The following MECOM variants were observed in gnomAD, a reference collection of about 807,000 sequenced individuals.
MECOM encodes MDS1 and EVI1 complex locus.
In MECOM, 13 loss-of-function variants were observed where a neutral mutation model predicts 116.3. The ratio of observed to expected loss-of-function variants is 0.11; its 90% CI spans 0.07 to 0.18. The LOEUF is 0.18. MECOM is among the 10% of genes least tolerant of loss of function. The pLI, the probability that MECOM is intolerant of heterozygous loss-of-function variation, is 1.00. For missense variants in MECOM, 1,299 were observed against 1,509.0 expected (o/e 0.86, Z 2.31); for synonymous variants, 528 against 535.2 (o/e 0.99, Z 0.19).
In MECOM at chr3:169,663,411, G is replaced by A. The variant is rs780859857; in HGVS notation, c.-39C>T. ...CTGCAGCCGCTGGTGTGTGGTTGGG[G>A]CTTTTTTTTCTTGGATCCTTTCCTT... On this transcript the variant is annotated 5_prime_UTR_variant, in exon 1 of 17. Transcript: ENST00000651503. 1.3e-6 allele frequency: 2 copies of A among 1,594,500 alleles called. No individual in the cohort carries two copies. The highest frequency in any genetic ancestry group is 2.3e-5 in the East Asian group (1 of 44,064).
chr3:169,213,444 T>A (rs983315509), intron 2 of MECOM, among the ~76,000 whole-genome samples: 1 of 152,180 alleles, frequency 6.6e-6, no homozygotes, highest in African/African-American at 2.4e-5. Flanking sequence ...AAAAAATGTT[T>A]ATACCATGTG....
At chr3:169,610,131 C>G (rs1463581824) in intron 1 of MECOM, among the ~76,000 whole-genome samples, 2 of 152,142 alleles carry the variant, frequency 1.3e-5, no homozygotes, top group Non-Finnish European at 2.9e-5. Flanking sequence ...AACTACTCCA[C>G]TTATTTTTAT....
intron 2 of MECOM, among the ~76,000 whole-genome samples, chr3:169,298,295 A>G (rs1716021663): frequency 6.6e-6 from 1 of 152,126 alleles, no homozygotes; most frequent in East Asian, 1.9e-4. Context: ...AATGTTATCA[A>G]TATGAAGACA....
At chr3:169,113,431 T>A (rs979845783) in intron 8 of MECOM, among the ~76,000 whole-genome samples, 6 of 143,664 alleles carry the variant, frequency 4.2e-5, no homozygotes, top group Non-Finnish European at 7.5e-5. Context: ...ATAAATATTT[T>A]ATGTAAATTA....
chr3:169,485,924 G>GTCTATATGTA (rs1752147894), intron 1 of MECOM, among the ~76,000 whole-genome samples: 1 of 107,490 alleles, frequency 9.3e-6, no homozygotes, highest in Non-Finnish European at 1.8e-5. Context: ...TGTATATATA[G>GTCTATATGTA]TATATATAGT....
intron 1 of MECOM, among the ~76,000 whole-genome samples, chr3:169,603,311 T>A (rs1243731455): frequency 6.6e-6 from 1 of 152,162 alleles, no homozygotes; most frequent in South Asian, 2.1e-4. Context: ...GGTAAGGATA[T>A]AAAAAATATT....
chr3:169,643,833 G>A (rs1773798596), intron 1 of MECOM, among the ~76,000 whole-genome samples: 1 of 152,164 alleles, frequency 6.6e-6, no homozygotes, highest in Admixed American at 6.5e-5. Context: ...CAGTGAAAAT[G>A]AAATGAATAA....
At chr3:169,362,307 G>A (rs1728434798) in intron 2 of MECOM, among the ~76,000 whole-genome samples, 1 of 151,936 alleles carries the variant, frequency 6.6e-6, no homozygotes, top group Admixed American at 6.6e-5. Flanking sequence ...AAGAGCAGGT[G>A]TAAGAGACAG....
intron 2 of MECOM, among the ~76,000 whole-genome samples, chr3:169,376,296 C>T (rs1322801747): frequency 6.6e-6 from 1 of 152,114 alleles, no homozygotes; most frequent in African/African-American, 2.4e-5. Flanking sequence ...TCTCACCACT[C>T]CTATTCAACA....
intron 1 of MECOM, among the ~76,000 whole-genome samples, chr3:169,662,805 C>G (rs1193926988): frequency 6.6e-6 from 1 of 152,068 alleles, no homozygotes; most frequent in African/African-American, 2.4e-5. Context: ...GTGGCTCCCT[C>G]TGAGCCGCCT....
At chr3:169,230,996 T>C (rs974340582) in intron 2 of MECOM, among the ~76,000 whole-genome samples, 1 of 152,162 alleles carries the variant, frequency 6.6e-6, no homozygotes, top group Non-Finnish European at 1.5e-5. Flanking sequence ...TTTGTTTAAA[T>C]ACTCTCTCTT....
intron 8 of MECOM, among the ~76,000 whole-genome samples, chr3:169,114,590 T>G (rs1728527060): frequency 6.6e-6 from 1 of 152,190 alleles, no homozygotes; most frequent in Non-Finnish European, 1.5e-5. Context: ...CTTGACAATG[T>G]TCAAGATTAG....
At chr3:169,149,285 C>T (rs977369729) in intron 2 of MECOM, among the ~76,000 whole-genome samples, 20 of 152,088 alleles carry the variant, frequency 1.3e-4, no homozygotes, top group African/African-American at 4.6e-4. Flanking sequence ...GCCCCCACCT[C>T]CTTGCCCTTT....
intron 1 of MECOM, among the ~76,000 whole-genome samples, chr3:169,551,001 T>C (rs1017656890): frequency 2.0e-5 from 2 of 98,588 alleles, no homozygotes; most frequent in Non-Finnish European, 4.4e-5. Flanking sequence ...TTTTTTGTAT[T>C]TTTAGTAGAG....
intron 1 of MECOM, among the ~76,000 whole-genome samples, chr3:169,488,559 G>A (rs966698345): frequency 1.0e-4 from 15 of 150,596 alleles, no homozygotes; most frequent in East Asian, 1.9e-4. Flanking sequence ...AAATAAAAAA[G>A]TAATAAAAGT....
intron 1 of MECOM, among the ~76,000 whole-genome samples, chr3:169,621,313 G>C (rs368529824): frequency 1.3e-5 from 2 of 152,164 alleles, no homozygotes; most frequent in Non-Finnish European, 2.9e-5. Flanking sequence ...TTGAGTTGTT[G>C]TGAGGACCAA....
intron 2 of MECOM, among the ~76,000 whole-genome samples, chr3:169,339,053 T>C (rs1428448544): frequency 2.0e-5 from 3 of 152,156 alleles, no homozygotes; most frequent in Non-Finnish European, 1.5e-5. Context: ...CCAAAATCAA[T>C]ATTGAATAAA....
chr3:169,489,474 C>T (rs1433348712), intron 1 of MECOM, among the ~76,000 whole-genome samples: 1 of 152,122 alleles, frequency 6.6e-6, no homozygotes, highest in Non-Finnish European at 1.5e-5. Flanking sequence ...ATTTGGCTTA[C>T]AGATATCAAG....
At chr3:169,411,470 T>C (rs1737544910) in intron 1 of MECOM, among the ~76,000 whole-genome samples, 1 of 152,192 alleles carries the variant, frequency 6.6e-6, no homozygotes, top group South Asian at 2.1e-4. Context: ...AACCCAAGGA[T>C]AGGCACTGCA....
Sources: gnomAD v4.1 joint callset for allele counts (sites outside exome capture counted in the v4.1 genomes callset) on GRCh38, gnomAD v4.1.1 for gene constraint, MANE v1.5 for transcripts, NCBI Gene and HGNC (gene_info 2026-07-23, HGNC 2026-07-21) for gene names.